SOCS7: variants seen among roughly 807,000 people sequenced by gnomAD.
SOCS7 encodes the protein suppressor of cytokine signaling 7.
In SOCS7, 18 loss-of-function variants were observed where a neutral mutation model predicts 58.9. The observed-to-expected ratio is 0.31, with a 90% CI of 0.21 to 0.45. SOCS7 has a LOEUF of 0.45. Ranked by LOEUF, SOCS7 falls within the 20% of genes least tolerant of loss-of-function variation. The pLI, the probability that SOCS7 is intolerant of heterozygous loss-of-function variation, is 1.00. For synonymous variants in SOCS7, 388 were observed against 364.3 expected (o/e 1.06, Z -0.74); for missense variants, 667 against 837.3 (o/e 0.80, Z 2.51).
intron 6 of SOCS7, among the ~76,000 whole-genome samples, chr17:38,376,390 TCCACA>T (rs1198519809): frequency 6.6e-6 from 1 of 152,090 alleles, no homozygotes; most frequent in Non-Finnish European, 1.5e-5. Context: ...ATGTGCAAAC[TCCACA>T]CAGACAGTGG....
intron 6 of SOCS7, among the ~76,000 whole-genome samples, chr17:38,372,499 T>G (rs1001559708): frequency 1.3e-5 from 2 of 152,214 alleles, no homozygotes; most frequent in African/African-American, 4.8e-5. Flanking sequence ...GTTGCAAGTA[T>G]CCGCTTAAAA....
intron 2 of SOCS7, 117 bp from the exon 3 acceptor site, chr17:38,364,635 G>T: frequency 1.3e-6 from 1 of 770,234 alleles, no homozygotes. Context: ...TAGGTTTTGA[G>T]CTTTCTGAGA....
intron 2 of SOCS7, 129 bp from the exon 3 acceptor site, chr17:38,364,623 A>G: frequency 1.4e-6 from 1 of 699,704 alleles, no homozygotes; most frequent in Non-Finnish European, 2.5e-6. Context: ...CCCTGGGGGC[A>G]TTAGGTTTTG....
At chr17:38,380,689 CCT>C (rs2037990379) in intron 7 of SOCS7, among the ~76,000 whole-genome samples, 1 of 150,866 alleles carries the variant, frequency 6.6e-6, no homozygotes, top group Admixed American at 6.6e-5. Flanking sequence ...TGAAACCACA[CCT>C]CTACTAAAAA....
At chr17:38,386,385 C>T (rs1328828839) in intron 7 of SOCS7, among the ~76,000 whole-genome samples, 1 of 149,674 alleles carries the variant, frequency 6.7e-6, no homozygotes, top group Non-Finnish European at 1.5e-5. Context: ...TCGCTTGAGT[C>T]TGTGATGTCA....
At chr17:38,377,107 TTC>T (rs1341566335) in intron 6 of SOCS7, among the ~76,000 whole-genome samples, 1 of 152,214 alleles carries the variant, frequency 6.6e-6, no homozygotes, top group East Asian at 1.9e-4. Context: ...CTGAACATAT[TTC>T]TGTCATTAAG....
chr17:38,393,224 TA>T (rs2038198933), intron 7 of SOCS7, among the ~76,000 whole-genome samples: 1 of 151,856 alleles, frequency 6.6e-6, no homozygotes, highest in African/African-American at 2.4e-5. Flanking sequence ...AACAATAAAA[TA>T]ATGTATTTTG....
chr17:38,368,926 C>T (rs2037826898), intron 6 of SOCS7, among the ~76,000 whole-genome samples: 1 of 152,126 alleles, frequency 6.6e-6, no homozygotes. Context: ...GACTATCTGC[C>T]ATTCTCCTAG....
rs1327763274 is a variant in SOCS7, at chr17:38,364,685, C to G, written c.1046-67C>G. On this transcript the variant is annotated intron_variant, in intron 2 of 9. Transcript: ENST00000612932. ...GCCTCGCCTGCTTGCCCTTTGCTTC[C>G]CTTTGCTTTCTGCATCAGCTTTGGG... The G allele has an allele frequency of 3.0e-6, 4 of 1,341,958 alleles. No homozygotes were observed. The African/African-American group carries it at 5.8e-5, about 19-fold the overall frequency. 83.1% of individuals were successfully genotyped at this position (1,341,958 alleles called of 1,614,324 possible).
chr17:38,360,271 A>T (rs1555567375), intron 1 of SOCS7, among the ~76,000 whole-genome samples: 2 of 149,162 alleles, frequency 1.3e-5, no homozygotes, highest in Non-Finnish European at 3.0e-5. Context: ...ATCTTGGTTC[A>T]CTGCAACCTT....
At chr17:38,372,666 A>T (rs2037882296) in intron 6 of SOCS7, among the ~76,000 whole-genome samples, 1 of 152,224 alleles carries the variant, frequency 6.6e-6, no homozygotes, top group Non-Finnish European at 1.5e-5. Context: ...CACTAGTGCC[A>T]CTAGTGTTGC....
chr17:38,384,936 G>A (rs940195664), intron 7 of SOCS7, among the ~76,000 whole-genome samples: 4 of 76,836 alleles, frequency 5.2e-5, no homozygotes, highest in Admixed American at 2.0e-4. Context: ...TGCTCTTATT[G>A]TCCAGGCTAG....
Position 38,352,777 on chromosome 17 carries a change from G to GGGA in SOCS7, c.727_729dup (p.Glu243dup). On this transcript the variant is annotated inframe_insertion, in exon 1 of 10. Coordinates refer to ENST00000612932, the MANE Select transcript of SOCS7 (RefSeq NM_014598.4). This position sits in a 1 kb window ranked among gnomAD's most constrained non-coding sequence, Gnocchi z 5.5. ...GTCCCTCTGGGGCGCCTGAGTAGAG[G>GGGA]GGAGCAGCAGCAGCAGCAGCAGCAG... 1 of 1,549,576 alleles carries GGGA rather than the reference G, an allele frequency of 6.5e-7. No homozygotes were observed. The highest frequency in any genetic ancestry group is 8.7e-7 in the Non-Finnish European group (1 of 1,147,280).
chr17:38,382,838 G>A (rs934204387), intron 7 of SOCS7, among the ~76,000 whole-genome samples: 1 of 152,150 alleles, frequency 6.6e-6, no homozygotes, highest in Non-Finnish European at 1.5e-5. Flanking sequence ...TGTAACCCTT[G>A]TTAAGTTTAT....
intron 7 of SOCS7, among the ~76,000 whole-genome samples, chr17:38,378,518 A>C (rs898669499): frequency 2.0e-5 from 3 of 152,106 alleles, no homozygotes; most frequent in Admixed American, 6.5e-5. Context: ...TGTCTCCCCC[A>C]AAAAAGAAAA....
At position 38,400,121 on chromosome 17, in the gene SOCS7, GAGA is replaced by G. The variant is rs1365992593; in HGVS notation, c.*642_*644del. On this transcript the variant is annotated 3_prime_UTR_variant, in exon 10 of 10. Transcript: ENST00000612932. ...AACCTAGCCAATTGGCCTTAGCTGGGAGAAGTAGTGACTCCTGCATCCTTTTTT... is the reference window on the plus strand; with the variant it reads ...AACCTAGCCAATTGGCCTTAGCTGGGAGTAGTGACTCCTGCATCCTTTTTT... 1 of 152,218 alleles carries G rather than the reference GAGA, an allele frequency of 6.6e-6. No individual in the cohort carries two copies. Among genetic ancestry groups the G allele is most frequent in the Non-Finnish European group, 1.5e-5 (1 of 68,050 alleles). The allele number at this position is 152,218 out of a possible 1,614,324, so 9.4% of individuals were successfully genotyped here.
At chr17:38,387,774 T>G in intron 7 of SOCS7, among the ~76,000 whole-genome samples, 2 of 88,666 alleles carry the variant, frequency 2.3e-5, no homozygotes, top group Non-Finnish European at 4.0e-5. Flanking sequence ...ATGGCTTTCT[T>G]TTTTTTTTTT....
In SOCS7 at chr17:38,361,783, T is replaced by G. The variant is rs2037723101; in HGVS notation, c.1045+8T>G. The G allele has an allele frequency of 6.3e-7, 1 of 1,599,314 alleles. No homozygotes were observed. The highest frequency in any genetic ancestry group is 1.7e-5 in the Admixed American group (1 of 57,782). On this transcript the variant is annotated splice_region_variant and intron_variant, in intron 2 of 9. Transcript: ENST00000612932. Reference sequence around the variant, plus strand: ...TCAGCCCCCTGTTCACAGGTAAGGGTAATATCTTTCTCTCTTCTGACATCT... The same window carrying G: ...TCAGCCCCCTGTTCACAGGTAAGGGGAATATCTTTCTCTCTTCTGACATCT...
At chr17:38,395,553 A>T in intron 8 of SOCS7, 109 bp downstream of exon 8, 2 of 1,176,090 alleles carry the variant, frequency 1.7e-6, no homozygotes. Context: ...TCTGGCATAA[A>T]ATATTTGCAG....
Sources: gnomAD v4.1 joint callset for allele counts (sites outside exome capture counted in the v4.1 genomes callset) on GRCh38, gnomAD v4.1.1 for gene constraint, Gnocchi (gnomAD v3.1) non-coding constraint, MANE v1.5 for transcripts, NCBI Gene and HGNC (gene_info 2026-07-23, HGNC 2026-07-21) for gene names.